THRAP3: variants seen among roughly 807,000 people sequenced by gnomAD.
THRAP3 encodes the protein thyroid hormone receptor associated protein 3, also known as thyroid hormone receptor-associated protein 3.
In THRAP3, 16 loss-of-function variants were observed where a neutral mutation model predicts 101.0. The ratio of observed to expected loss-of-function variants is 0.16; its 90% CI spans 0.11 to 0.24. THRAP3 has a LOEUF of 0.24. Among genes scored for constraint, THRAP3 ranks in the 10% least tolerant of loss-of-function variants. THRAP3 has a pLI of 1.00. For missense variants in THRAP3, 989 were observed against 1,202.7 expected (o/e 0.82, Z 2.63); for synonymous variants, 407 against 422.6 (o/e 0.96, Z 0.45).
chr1:36,236,810 A>G (rs1335758598), intron 1 of THRAP3, among the ~76,000 whole-genome samples: 1 of 152,224 alleles, frequency 6.6e-6, no homozygotes, highest in Admixed American at 6.5e-5. Flanking sequence ...TGCTGAAAGT[A>G]AACAATTTGG....
intron 1 of THRAP3, among the ~76,000 whole-genome samples, chr1:36,230,515 G>A (rs979560326): frequency 6.4e-4 from 97 of 152,012 alleles, no homozygotes; most frequent in African/African-American, 2.2e-3. Context: ...CACCTGCCTC[G>A]TCCTCCCAAA....
chr1:36,296,741 G>A lies in THRAP3; in HGVS notation c.2274G>A (p.Glu758=). The change falls in exon 9 of 12, where the codon GAG becomes GAA. Residue 758 remains glutamate, a synonymous_variant. Transcript: ENST00000354618. ...GGGAAAGGTCAGCTGAAAAAACAGA[G>A]AAAACTCATAAAGGATCAAAGAAAC... ...HSRERSAEKT[E]KTHKGSKKQK... is the part of the protein sequence containing the mutation. The A allele has an allele frequency of 6.3e-7, 1 of 1,599,638 alleles. No homozygotes were observed. Among genetic ancestry groups the A allele is most frequent in the Non-Finnish European group, 8.5e-7 (1 of 1,176,452 alleles).
intron 8 of THRAP3, chr1:36,294,283 A>G: frequency 4.1e-6 from 4 of 982,076 alleles, no homozygotes; most frequent in Non-Finnish European, 4.9e-6. Flanking sequence ...ACTATTTCCA[A>G]CCATGATTTC....
At chr1:36,240,423 A>G (rs988766212) in intron 1 of THRAP3, among the ~76,000 whole-genome samples, 25 of 152,336 alleles carry the variant, frequency 1.6e-4, no homozygotes, top group Middle Eastern at 3.4e-3. Flanking sequence ...CTGTCACAGC[A>G]TGAGAGAGAG....
At chr1:36,277,216 A>T (rs1307402420) in intron 2 of THRAP3, among the ~76,000 whole-genome samples, 1 of 151,794 alleles carries the variant, frequency 6.6e-6, no homozygotes, top group African/African-American at 2.4e-5. Context: ...AGATCTGCCC[A>T]CCTCTGCCTC....
Position 36,298,338 on chromosome 1 carries a change from G to A in THRAP3, c.2303+1568G>A, listed in dbSNP as rs115482027. 9.7e-3 allele frequency among the ~76,000 whole-genome samples: 1,477 copies of A among 152,106 alleles called. 28 individuals carry two copies. Among genetic ancestry groups the A allele is most frequent in the African/African-American group, 0.033 (1,388 of 41,468 alleles). ...GTGGTAGTACAGTAGTGCCTGGGCC[G>A]CCACTTAGAAGTGGAACATGAACCC... On this transcript the variant is annotated intron_variant, in intron 9 of 11. Coordinates refer to ENST00000354618, the MANE Select transcript of THRAP3 (RefSeq NM_005119.4).
intron 1 of THRAP3, among the ~76,000 whole-genome samples, chr1:36,239,571 T>C (rs1453807384): frequency 6.6e-6 from 1 of 152,194 alleles, no homozygotes; most frequent in Admixed American, 6.5e-5. Flanking sequence ...CTGGCCAAAC[T>C]GGCTTTTACA....
At chr1:36,221,313 G>A (rs1644901876), upstream of THRAP3, among the ~76,000 whole-genome samples, 1 of 151,470 alleles carries the variant, frequency 6.6e-6, no homozygotes, top group Non-Finnish European at 1.5e-5. Context: ...TTTGAAAGAA[G>A]TTCTGCTGTT....
intron 5 of THRAP3, among the ~76,000 whole-genome samples, chr1:36,290,640 A>G (rs1020204890): frequency 5.9e-5 from 9 of 151,604 alleles, no homozygotes; most frequent in African/African-American, 2.2e-4. Context: ...TAATTTTTGT[A>G]TTGTTAGTAG....
At chr1:36,281,117 C>T (rs1374212097) in intron 2 of THRAP3, among the ~76,000 whole-genome samples, 1 of 151,840 alleles carries the variant, frequency 6.6e-6, no homozygotes, top group Non-Finnish European at 1.5e-5. Context: ...ATGTTGGCCA[C>T]GCTGGTCTTG....
intron 5 of THRAP3, 127 bp downstream of exon 5, chr1:36,289,891 G>A: frequency 1.5e-6 from 2 of 1,298,898 alleles, no homozygotes; most frequent in Non-Finnish European, 2.1e-6. Context: ...ATACTTTCAT[G>A]TCCACCTGTG....
intron 1 of THRAP3, among the ~76,000 whole-genome samples, chr1:36,244,496 T>C (rs979465934): frequency 6.6e-6 from 1 of 152,236 alleles, no homozygotes; most frequent in Non-Finnish European, 1.5e-5. Context: ...TTAGCTTTAC[T>C]ATACTTAGTG....
chr1:36,236,260 C>A (rs1184336942), intron 1 of THRAP3, among the ~76,000 whole-genome samples: 1 of 148,874 alleles, frequency 6.7e-6, no homozygotes, highest in African/African-American at 2.5e-5. Context: ...AGACTGGGCG[C>A]AAAAACCAAA....
At chr1:36,230,024 G>C (rs535716906) in intron 1 of THRAP3, among the ~76,000 whole-genome samples, 52 of 141,072 alleles carry the variant, frequency 3.7e-4, no homozygotes, top group Non-Finnish European at 1.1e-4. Flanking sequence ...GTGCCATCTC[G>C]GCTCACTGCA....
At chr1:36,230,797 G>A (rs1645019772) in intron 1 of THRAP3, among the ~76,000 whole-genome samples, 1 of 152,016 alleles carries the variant, frequency 6.6e-6, no homozygotes, top group Non-Finnish European at 1.5e-5. Flanking sequence ...TATTTTCTTT[G>A]GCTCATACAG....
In THRAP3 at chr1:36,304,054, A is replaced by G; in HGVS notation, c.*37A>G. The G allele has an allele frequency of 6.8e-7, 1 of 1,463,578 alleles. No homozygotes were observed. Among genetic ancestry groups the G allele is most frequent in the Non-Finnish European group, 9.0e-7 (1 of 1,106,394 alleles). The allele number at this position is 1,463,578 out of a possible 1,614,324, so 90.7% of individuals were successfully genotyped here. On this transcript the variant is annotated 3_prime_UTR_variant, in exon 12 of 12. Transcript: ENST00000354618. ...GACGGGATTCCTGCCCAGGGGAGAGAGGCGCTGGGAAGATGGCTGGTGAGG... is the reference window on the plus strand; with the variant it reads ...GACGGGATTCCTGCCCAGGGGAGAGGGGCGCTGGGAAGATGGCTGGTGAGG...
At chr1:36,297,548 A>C (rs1056497340) in intron 9 of THRAP3, among the ~76,000 whole-genome samples, 1 of 149,396 alleles carries the variant, frequency 6.7e-6, no homozygotes, top group African/African-American at 2.5e-5. Context: ...TCGCGGGTTC[A>C]AGCAATTCTC....
In THRAP3 at chr1:36,286,322, C is replaced by G. The variant is rs761372585; in HGVS notation, c.138-46C>G. 9.3e-6 allele frequency: 14 copies of G among 1,509,828 alleles called. No individual in the cohort carries two copies. The highest frequency in any genetic ancestry group is 1.2e-5 in the Non-Finnish European group (14 of 1,125,462). The allele number at this position is 1,509,828 out of a possible 1,614,324, so 93.5% of individuals were successfully genotyped here. A position where few individuals can be genotyped will look rare whatever the true frequency, so the allele number is the denominator to read the frequency against. On this transcript the variant is annotated intron_variant, in intron 3 of 11. Coordinates refer to ENST00000354618, the MANE Select transcript of THRAP3 (RefSeq NM_005119.4). This position sits in a 1 kb window ranked among gnomAD's most constrained non-coding sequence, Gnocchi z 5.5. ...AACAGATTTTTCTTGAATAAAAATG[C>G]TTGTGTCAAAAATTCAAACATTTGT...
At chr1:36,299,033 A>C (rs1013968117) in intron 9 of THRAP3, among the ~76,000 whole-genome samples, 1 of 151,954 alleles carries the variant, frequency 6.6e-6, no homozygotes, top group Non-Finnish European at 1.5e-5. Flanking sequence ...GGCTCAAGCA[A>C]TCTGCCTGCC....
Sources: gnomAD v4.1 joint callset for allele counts (sites outside exome capture counted in the v4.1 genomes callset) on GRCh38, gnomAD v4.1.1 for gene constraint, Gnocchi (gnomAD v3.1) non-coding constraint, MANE v1.5 for transcripts, NCBI Gene and HGNC (gene_info 2026-07-23, HGNC 2026-07-21) for gene names.